ROR2: variants seen among roughly 807,000 people sequenced by gnomAD.
The protein encoded by ROR2 is ROR family WNT receptor 2.
ROR2 carries 33 observed loss-of-function variants against 74.9 expected under a neutral mutation model. The observed-to-expected ratio is 0.44, with a 90% CI of 0.33 to 0.59. The LOEUF (loss-of-function observed/expected upper bound fraction) is 0.59, where lower values mean the gene tolerates loss of function less well. Among genes scored for constraint, ROR2 ranks in the 20% least tolerant of loss-of-function variants. ROR2 has a pLI of 0.02. For synonymous variants in ROR2, 586 were observed against 558.7 expected, an observed-to-expected ratio of 1.05 and a Z score of -0.69; for missense variants, 1,216 against 1,313.8, an observed-to-expected ratio of 0.93 and a Z score of 1.15.
intron 1 of ROR2, among the ~76,000 whole-genome samples, chr9:91,914,251 C>A (rs1484002061): frequency 6.6e-6 from 1 of 152,124 alleles, no homozygotes; most frequent in Non-Finnish European, 1.5e-5. Context: ...TTATTCCCAG[C>A]CAAGCATAAC....
chr9:91,859,050 A>C (rs1454520744), intron 1 of ROR2, among the ~76,000 whole-genome samples: 1 of 152,152 alleles, frequency 6.6e-6, no homozygotes, highest in Admixed American at 6.5e-5. Flanking sequence ...AGGGCTCGGG[A>C]GCCAGGCAGC....
intron 1 of ROR2, among the ~76,000 whole-genome samples, chr9:91,779,259 G>C (rs537198715): frequency 6.6e-6 from 1 of 151,858 alleles, no homozygotes; most frequent in South Asian, 2.1e-4. Context: ...AAAGTAAAAA[G>C]CTTACTGAAG....
At chr9:91,902,576 G>A (rs1830702439) in intron 1 of ROR2, among the ~76,000 whole-genome samples, 1 of 152,116 alleles carries the variant, frequency 6.6e-6, no homozygotes, top group Non-Finnish European at 1.5e-5. Context: ...CTCCTTGGGC[G>A]ACCCTGCCCC....
intron 4 of ROR2, among the ~76,000 whole-genome samples, chr9:91,744,520 C>T (rs1825348087): frequency 6.6e-6 from 1 of 152,064 alleles, no homozygotes; most frequent in South Asian, 2.1e-4. Flanking sequence ...CCACCACGCC[C>T]AGCTGAAGCT....
At chr9:91,749,764 A>G (rs1270240149) in intron 4 of ROR2, among the ~76,000 whole-genome samples, 2 of 152,250 alleles carry the variant, frequency 1.3e-5, no homozygotes, top group African/African-American at 4.8e-5. Context: ...CCAAGACTCC[A>G]GGCCATCTGT....
intron 4 of ROR2, among the ~76,000 whole-genome samples, chr9:91,740,566 A>C (rs927440058): frequency 6.7e-6 from 1 of 149,080 alleles, no homozygotes; most frequent in African/African-American, 2.5e-5. Flanking sequence ...GGGGGGGGGA[A>C]TATATATATG....
In ROR2 at chr9:91,731,005, G is replaced by A. The variant is rs1837223062; in HGVS notation, c.1088C>T (p.Ala363Val). 1.2e-6 allele frequency: 2 copies of A among 1,614,074 alleles called. No homozygotes were observed. The highest frequency in any genetic ancestry group is 2.7e-5 in the African/African-American group (2 of 74,936). Residue 363 changes from alanine (A) to valine (V), a missense_variant, in exon 7 of 9, where the codon GCC becomes GTC. Coordinates refer to ENST00000375708, the MANE Select transcript of ROR2 (RefSeq NM_004560.4). ...CTGGCCTCCGGGGTTCCGGCAGTAG[G>A]CGTGCCCCCCTCCAAGCTCAGGGAA... Reference protein sequence around the residue: ...TDFPELGGGHAYCRNPGGQME... With the variant: ...TDFPELGGGHVYCRNPGGQME...
intron 1 of ROR2, among the ~76,000 whole-genome samples, chr9:91,814,403 C>T (rs775344309): frequency 2.6e-5 from 4 of 152,160 alleles, no homozygotes; most frequent in Admixed American, 6.5e-5. Flanking sequence ...ACGCACACTC[C>T]AGGGAGAAGA....
At chr9:91,881,815 C>T (rs1252205596) in intron 1 of ROR2, among the ~76,000 whole-genome samples, 6 of 152,156 alleles carry the variant, frequency 3.9e-5, no homozygotes, top group African/African-American at 1.2e-4. Context: ...GGCAAAGAAC[C>T]TCCTGAGATG....
At chr9:91,939,921 C>T (rs1037287884) in intron 1 of ROR2, among the ~76,000 whole-genome samples, 2 of 152,204 alleles carry the variant, frequency 1.3e-5, no homozygotes, top group Non-Finnish European at 2.9e-5. Context: ...TTAAACAAGG[C>T]TCAGCAGATG....
chr9:91,917,360 C>T (rs989696973), intron 1 of ROR2, among the ~76,000 whole-genome samples: 12 of 152,210 alleles, frequency 7.9e-5, no homozygotes, highest in East Asian at 3.9e-4. Context: ...AGAGAAACAA[C>T]GCCAAGAAAG....
intron 1 of ROR2, among the ~76,000 whole-genome samples, chr9:91,948,129 G>C (rs1026713789): frequency 1.3e-5 from 2 of 152,160 alleles, no homozygotes; most frequent in African/African-American, 2.4e-5. Flanking sequence ...GAACTTTCCT[G>C]TTACAACCAC....
At chr9:91,747,069 C>T (rs764673800) in intron 4 of ROR2, among the ~76,000 whole-genome samples, 19 of 152,152 alleles carry the variant, frequency 1.2e-4, no homozygotes, top group Non-Finnish European at 2.8e-4. Context: ...TGCCACGTTT[C>T]AGCAGAGCAG....
rs2118697933 is a variant in ROR2 at position 91,733,070 on chromosome 9, G to A, written c.937+52C>T. On this transcript the variant is annotated intron_variant, in intron 6 of 8. Transcript: ENST00000375708. The surrounding 1 kb of genome is among the most constrained non-coding windows in gnomAD (Gnocchi z 5.7). ...CGACACCCCCATACACATTTCAAGG[G>A]CCCTACACTCCCTGCGCCCCCCGGT... is the stretch of plus-strand genomic sequence containing the variant. The A allele has an allele frequency of 6.6e-7, 1 of 1,506,452 alleles. No homozygotes were observed. Among genetic ancestry groups the A allele is most frequent in the East Asian group, 2.4e-5 (1 of 40,934 alleles). The allele number at this position is 1,506,452 out of a possible 1,614,324, so 93.3% of individuals were successfully genotyped here. A position where few individuals can be genotyped will look rare whatever the true frequency, so the allele number is the denominator to read the frequency against.
rs1587742896 is a variant in ROR2, at chr9:91,812,469, A to G, written c.98-36651T>C. On this transcript the variant is annotated intron_variant, in intron 1 of 8. Coordinates refer to ENST00000375708, the MANE Select transcript of ROR2 (RefSeq NM_004560.4). Reference sequence around the variant, plus strand: ...AATCCACGGATTGATGGTGACTGTGAAAACCAACACTGAATGTTATTTCCA... The same window carrying G: ...AATCCACGGATTGATGGTGACTGTGGAAACCAACACTGAATGTTATTTCCA... 1.3e-5 allele frequency among the ~76,000 whole-genome samples: 2 copies of G among 152,126 alleles called. 1 individual carries two copies. The highest frequency in any genetic ancestry group is 4.2e-4 in the South Asian group (2 of 4,808).
intron 1 of ROR2, among the ~76,000 whole-genome samples, chr9:91,917,786 AG>A (rs1266568596): frequency 6.6e-6 from 1 of 152,244 alleles, no homozygotes; most frequent in Non-Finnish European, 1.5e-5. Flanking sequence ...ACAGGCCAGC[AG>A]GGCACTCCTA....
chr9:91,829,370 C>T (rs1828388715), intron 1 of ROR2, among the ~76,000 whole-genome samples: 1 of 151,854 alleles, frequency 6.6e-6, no homozygotes, highest in Admixed American at 6.6e-5. Flanking sequence ...CGGTGAAACC[C>T]CGTCTCTACT....
At chr9:91,867,712 A>C in intron 1 of ROR2, among the ~76,000 whole-genome samples, 2 of 125,154 alleles carry the variant, frequency 1.6e-5, no homozygotes, top group Admixed American at 7.8e-5. Context: ...ATCTGACCCT[A>C]AGCAGATGTT....
intron 1 of ROR2, among the ~76,000 whole-genome samples, chr9:91,817,696 G>A (rs1249637159): frequency 6.6e-6 from 1 of 152,182 alleles, no homozygotes; most frequent in African/African-American, 2.4e-5. Context: ...CAGTCCTATG[G>A]CCACCTCGCC....
Sources: allele counts gnomAD v4.1 joint callset (sites outside exome capture counted in the v4.1 genomes callset), GRCh38; gene constraint gnomAD v4.1.1; non-coding constraint Gnocchi (gnomAD v3.1); transcripts MANE v1.5; gene names NCBI Gene and HGNC (gene_info 2026-07-23, HGNC 2026-07-21).